SLC27A1: variants seen among roughly 807,000 people sequenced by gnomAD.
SLC27A1 encodes solute carrier family 27 member 1, also known as long-chain fatty acid transport protein 1.
SLC27A1 carries 61 observed loss-of-function variants against 62.2 expected under a neutral mutation model. The observed-to-expected ratio is 0.98, with a 90% CI of 0.80 to 1.21. SLC27A1 has a LOEUF of 1.21. SLC27A1 is among the 50% of genes most tolerant of loss of function. SLC27A1 has a pLI of 0.00. For synonymous variants in SLC27A1, 435 were observed against 408.6 expected, an observed-to-expected ratio of 1.06 and a Z score of -0.78; for missense variants, 903 against 932.1, an observed-to-expected ratio of 0.97 and a Z score of 0.41.
chr19:17,479,216 G>A (rs1045855728), intron 1 of SLC27A1, among the ~76,000 whole-genome samples: 1 of 152,108 alleles, frequency 6.6e-6, no homozygotes, highest in Non-Finnish European at 1.5e-5. Flanking sequence ...GACCAGCCTG[G>A]CCAACAAAAT....
intron 1 of SLC27A1, among the ~76,000 whole-genome samples, chr19:17,477,566 T>C (rs537487364): frequency 4.0e-5 from 6 of 148,910 alleles, no homozygotes; most frequent in African/African-American, 7.5e-5. Flanking sequence ...TTCTTTCTTT[T>C]TTTGAGACAG....
Position 17,504,583 on chromosome 19 carries a change from C to G in SLC27A1, c.1912C>G (p.Arg638Gly). Reference protein sequence around the residue: ...YLPLNEAVYTRICSGAFAL With the variant: ...YLPLNEAVYTGICSGAFAL ...GCCCTTAAATGAGGCAGTCTACACT[C>G]GCATCTGCTCGGGCGCCTTCGCCCT... Residue 638 changes from arginine to glycine, a missense_variant, in exon 12 of 12, where the codon CGC (arginine) becomes GGC (glycine). By Grantham distance (125) the Arg-to-Gly change is moderately radical (BLOSUM62 -2). Coordinates refer to ENST00000252595, the MANE Select transcript of SLC27A1 (RefSeq NM_198580.3). The G allele has an allele frequency of 1.2e-6, 2 of 1,614,158 alleles. No homozygotes were observed. Among genetic ancestry groups the G allele is most frequent in the Non-Finnish European group, 1.7e-6 (2 of 1,180,038 alleles).
intron 6 of SLC27A1, among the ~76,000 whole-genome samples, chr19:17,491,989 A>G (rs1023165216): frequency 6.6e-6 from 1 of 152,170 alleles, no homozygotes; most frequent in African/African-American, 2.4e-5. Context: ...AAATTGAGAT[A>G]GTGTCCAGAA....
chr19:17,476,912 A>G (rs1264508640), intron 1 of SLC27A1, among the ~76,000 whole-genome samples: 5 of 139,446 alleles, frequency 3.6e-5, no homozygotes, highest in African/African-American at 1.3e-4. Flanking sequence ...TTTTTGAGAC[A>G]TGGTCTCACA....
intron 10 of SLC27A1, among the ~76,000 whole-genome samples, 168 bp downstream of exon 10, chr19:17,501,044 AGCC>A (rs1271992050): frequency 1.3e-5 from 2 of 152,234 alleles, no homozygotes; most frequent in African/African-American, 4.8e-5. Flanking sequence ...GGTGATGTTG[AGCC>A]TCAGTTTTGT....
chr19:17,494,855 G>C (rs1298463554), intron 6 of SLC27A1, among the ~76,000 whole-genome samples: 1 of 151,642 alleles, frequency 6.6e-6, no homozygotes, highest in African/African-American at 2.4e-5. Flanking sequence ...TAAGAGATTG[G>C]GTTGGGGGCT....
chr19:17,482,211 C>T (rs770012412), intron 1 of SLC27A1, among the ~76,000 whole-genome samples: 1 of 152,154 alleles, frequency 6.6e-6, no homozygotes, highest in Admixed American at 6.6e-5. Context: ...GTACATTGCA[C>T]GTGGCGTTTA....
At chr19:17,489,514 A>C (rs1257993563) in intron 6 of SLC27A1, among the ~76,000 whole-genome samples, 1 of 152,048 alleles carries the variant, frequency 6.6e-6, no homozygotes, top group Non-Finnish European at 1.5e-5. Context: ...GGGTGGACCC[A>C]TTTTGCAGCT....
intron 1 of SLC27A1, chr19:17,484,179 G>A (rs1348153889): frequency 1.3e-5 from 2 of 152,260 alleles, no homozygotes; most frequent in African/African-American, 2.4e-5. Flanking sequence ...ATGAAAGAGG[G>A]AGTAAATGAT....
At chr19:17,478,734 G>A (rs541762289) in intron 1 of SLC27A1, among the ~76,000 whole-genome samples, 46 of 152,178 alleles carry the variant, frequency 3.0e-4, no homozygotes, top group Admixed American at 9.2e-4. Flanking sequence ...GTGTACGCCT[G>A]TAGTCCCAGC....
chr19:17,501,588 G>A (rs1040501611), intron 11 of SLC27A1, among the ~76,000 whole-genome samples, 169 bp downstream of exon 11: 1 of 152,010 alleles, frequency 6.6e-6, no homozygotes, highest in African/African-American at 2.4e-5. Context: ...CGGATCACGA[G>A]GTGAGGAGAT....
chr19:17,497,876 C>T lies in SLC27A1; in HGVS notation c.1206+412C>T, dbSNP rs181416866. 542 of 223,278 alleles carry T rather than the reference C, an allele frequency of 2.4e-3. 1 individual carries two copies. The highest frequency in any genetic ancestry group is 3.9e-3 in the Non-Finnish European group (435 of 112,200). The allele number at this position is 223,278 out of a possible 1,614,324, so 13.8% of individuals were successfully genotyped here. ...CCAGGCTGGAGTGCAGCCACGTGAT[C>T]ATAGCTCACTGTAGCTTTCAGTTCC... On this transcript the variant is annotated intron_variant, in intron 7 of 11. Transcript: ENST00000252595.
chr19:17,479,699 A>G (rs1289582086), intron 1 of SLC27A1, among the ~76,000 whole-genome samples: 1 of 152,056 alleles, frequency 6.6e-6, no homozygotes, highest in Non-Finnish European at 1.5e-5. Flanking sequence ...GCTGGAGTGC[A>G]GTGGTGCAAT....
upstream of SLC27A1, chr19:17,470,417 G>T (rs916797703): frequency 3.4e-6 from 4 of 1,185,984 alleles, no homozygotes; most frequent in Admixed American, 4.1e-5. Context: ...CGGACTCGCG[G>T]GGGGCGCAGA....
At chr19:17,473,297 G>A (rs2075094057) in intron 1 of SLC27A1, among the ~76,000 whole-genome samples, 2 of 152,210 alleles carry the variant, frequency 1.3e-5, no homozygotes, top group East Asian at 1.9e-4. Context: ...ACTCATGTGA[G>A]GTTATGAGTC....
chr19:17,504,408 C>G lies in SLC27A1; in HGVS notation c.1784-47C>G, dbSNP rs759246132. On this transcript the variant is annotated intron_variant, in intron 11 of 11. Coordinates refer to ENST00000252595, the MANE Select transcript of SLC27A1 (RefSeq NM_198580.3). ...GAGAGGATATTGAGTTGAGGCCTCCCAGAAGCCACCTGCTCAGCCCTTATC... is the reference window on the plus strand; with the variant it reads ...GAGAGGATATTGAGTTGAGGCCTCCGAGAAGCCACCTGCTCAGCCCTTATC... 1.5e-5 allele frequency: 24 copies of G among 1,611,646 alleles called. No homozygotes were observed. In the Admixed American group the frequency reaches 2.2e-4, roughly 15 times the overall value.
Position 17,500,780 on chromosome 19 carries a change from T to C in SLC27A1, c.1540T>C (p.Trp514Arg). The part of the protein sequence containing the change: ...FRDRSGDTFR[W>R]RGENVSTTEV... ...GGACCGTAGCGGGGACACCTTCCGC[T>C]GGCGAGGGGAGAACGTCTCCACCAC... is the stretch of plus-strand genomic sequence containing the variant. Residue 514 changes from tryptophan (W) to arginine (R), a missense_variant, in exon 10 of 12, where the codon TGG becomes CGG. Trp to Arg is a moderately radical substitution (Grantham distance 101, BLOSUM62 -3). Transcript: ENST00000252595. 6.2e-7 allele frequency: 1 copy of C among 1,613,146 alleles called. No homozygotes were observed.
At chr19:17,473,964 A>G (rs1362828204) in intron 1 of SLC27A1, among the ~76,000 whole-genome samples, 1 of 152,042 alleles carries the variant, frequency 6.6e-6, no homozygotes, top group Non-Finnish European at 1.5e-5. Context: ...TGTTTTTTTG[A>G]TAAAGTCTCA....
At position 17,500,371 on chromosome 19, in the gene SLC27A1, G is replaced by A. The variant is rs1568424254; in HGVS notation, c.1300G>A (p.Asp434Asn). Residue 434 changes from aspartate to asparagine, a missense_variant, in exon 8 of 12, where the codon GAT (aspartate) becomes AAT (asparagine). By Grantham distance (23) the Asp-to-Asn change is conservative. Coordinates refer to ENST00000252595, the MANE Select transcript of SLC27A1 (RefSeq NM_198580.3). ...TGAGGACACAATGGAGCTGCTGCGGGATGCCCAGGGCCTCTGCATCCCCTG... is the reference window on the plus strand; with the variant it reads ...TGAGGACACAATGGAGCTGCTGCGGAATGCCCAGGGCCTCTGCATCCCCTG... ...VNEDTMELLR[D>N]AQGLCIPCQA... is the part of the protein sequence containing the mutation. 6.2e-7 allele frequency: 1 copy of A among 1,614,028 alleles called. No homozygotes were observed. Among genetic ancestry groups the A allele is most frequent in the South Asian group, 1.1e-5 (1 of 91,094 alleles).
Sources: allele counts gnomAD v4.1 joint callset (sites outside exome capture counted in the v4.1 genomes callset), GRCh38; gene constraint gnomAD v4.1.1; transcripts MANE v1.5; gene names NCBI Gene and HGNC (gene_info 2026-07-23, HGNC 2026-07-21).